Variants in GNB5 observed in about 807,000 individuals in gnomAD.
GNB5 encodes the protein G protein subunit beta 5.
GNB5 carries 37 observed loss-of-function variants against 55.3 expected under a neutral mutation model. The ratio of observed to expected loss-of-function variants is 0.67; its 90% CI spans 0.51 to 0.88. GNB5 has a LOEUF of 0.88. GNB5 is among the 40% of genes least tolerant of loss of function. The pLI is 0.00. For synonymous variants in GNB5, 219 were observed against 198.5 expected, an observed-to-expected ratio of 1.10 and a Z score of -0.87; for missense variants, 476 against 515.3, an observed-to-expected ratio of 0.92 and a Z score of 0.74.
chr15:52,149,618 T>C (rs764456327), intron 5 of GNB5: 7 of 591,872 alleles, frequency 1.2e-5, no homozygotes, highest in African/African-American at 3.7e-5. Context: ...AAGTTTTCCA[T>C]GCTTTGCCCA....
chr15:52,147,859 G>A (rs923137525), intron 5 of GNB5, among the ~76,000 whole-genome samples: 7 of 151,152 alleles, frequency 4.6e-5, no homozygotes, highest in African/African-American at 1.7e-4. Context: ...CTGGGATTAC[G>A]GGTGTGAGCC....
At chr15:52,167,575 G>A (rs1354060970) in intron 3 of GNB5, among the ~76,000 whole-genome samples, 7 of 152,014 alleles carry the variant, frequency 4.6e-5, no homozygotes, top group Non-Finnish European at 1.0e-4. Flanking sequence ...GGAGGCTGAG[G>A]CAGGAGAATC....
At chr15:52,132,636 A>AT (rs1216272462) in intron 9 of GNB5, among the ~76,000 whole-genome samples, 9,959 of 134,920 alleles carry the variant, frequency 0.074, 1,308 homozygotes, top group African/African-American at 0.27. Flanking sequence ...TGCCCTGCTA[A>AT]TTTTTTTTTT....
At chr15:52,154,107 T>C in intron 3 of GNB5, 31 bp from the exon 4 acceptor site, 2 of 1,607,168 alleles carry the variant, frequency 1.2e-6, no homozygotes, top group East Asian at 2.2e-5. Context: ...TCAGTCCCCT[T>C]GCTAAGGACC....
intron 3 of GNB5, among the ~76,000 whole-genome samples, chr15:52,166,476 A>G (rs1037777513): frequency 6.6e-6 from 1 of 152,200 alleles, no homozygotes; most frequent in Non-Finnish European, 1.5e-5. Flanking sequence ...AACTGAAATC[A>G]TAACAGTCTC....
intron 1 of GNB5, among the ~76,000 whole-genome samples, chr15:52,190,547 C>T (rs888142267): frequency 4.6e-5 from 7 of 152,036 alleles, no homozygotes; most frequent in African/African-American, 9.7e-5. Flanking sequence ...AGTAAAACTA[C>T]GATGTGATAC....
chr15:52,177,322 C>T (rs891618571), intron 3 of GNB5, among the ~76,000 whole-genome samples: 1 of 151,692 alleles, frequency 6.6e-6, no homozygotes, highest in Non-Finnish European at 1.5e-5. Flanking sequence ...CGTGAGCCAC[C>T]CTGTCGGTCC....
intron 3 of GNB5, among the ~76,000 whole-genome samples, chr15:52,175,017 G>C (rs2034624010): frequency 6.6e-6 from 1 of 152,076 alleles, no homozygotes; most frequent in African/African-American, 2.4e-5. Context: ...AGGTTGCAGC[G>C]AGCCGAGATC....
intron 3 of GNB5, among the ~76,000 whole-genome samples, chr15:52,163,336 A>G (rs2034377886): frequency 6.6e-6 from 1 of 152,164 alleles, no homozygotes; most frequent in South Asian, 2.1e-4. Flanking sequence ...AGATCCATCT[A>G]TTCCCCTAGG....
chr15:52,145,763 A>C (rs2033960497), intron 6 of GNB5, among the ~76,000 whole-genome samples: 1 of 152,128 alleles, frequency 6.6e-6, no homozygotes, highest in Non-Finnish European at 1.5e-5. Flanking sequence ...AAGGGAAGGG[A>C]CACTGGAGAA....
At chr15:52,169,567 AAGAAG>A (rs2034519558) in intron 3 of GNB5, among the ~76,000 whole-genome samples, 2 of 149,450 alleles carry the variant, frequency 1.3e-5, no homozygotes, top group Admixed American at 1.3e-4. Flanking sequence ...AAAAAAAGAA[AAGAAG>A]AGAAGAGAAA....
intron 2 of GNB5, 22 bp downstream of exon 2, chr15:52,184,529 A>T (rs376450331): frequency 6.2e-6 from 10 of 1,607,978 alleles, no homozygotes; most frequent in Non-Finnish European, 8.5e-6. Context: ...AGATAACTGA[A>T]TTTTTTTTAA....
intron 9 of GNB5, among the ~76,000 whole-genome samples, chr15:52,130,352 G>A (rs2033544744): frequency 6.6e-6 from 1 of 152,188 alleles, no homozygotes. Context: ...AAGGCACCCT[G>A]AACATGGCCC....
chr15:52,153,445 C>T (rs1250253140), intron 4 of GNB5, among the ~76,000 whole-genome samples: 3 of 152,114 alleles, frequency 2.0e-5, no homozygotes, highest in Non-Finnish European at 4.4e-5. Flanking sequence ...GATAATTAAG[C>T]TGCTAAATTT....
chr15:52,178,476 G>A (rs1427009133), intron 3 of GNB5, among the ~76,000 whole-genome samples: 1 of 152,174 alleles, frequency 6.6e-6, no homozygotes, highest in East Asian at 1.9e-4. Flanking sequence ...TAATCATGGG[G>A]CAAATGCCAC....
At chr15:52,145,406 G>A (rs1028464413) in intron 6 of GNB5, among the ~76,000 whole-genome samples, 10 of 151,884 alleles carry the variant, frequency 6.6e-5, no homozygotes, top group Admixed American at 1.3e-4. Context: ...TTGGGAGGCT[G>A]AGGCAGGCAG....
intron 3 of GNB5, among the ~76,000 whole-genome samples, chr15:52,154,310 T>C (rs1237632508): frequency 1.3e-5 from 2 of 152,224 alleles, no homozygotes; most frequent in Non-Finnish European, 2.9e-5. Context: ...TTTAAGACCC[T>C]ACATTTTTCA....
At chr15:52,148,999 G>C (rs1019576746) in intron 5 of GNB5, among the ~76,000 whole-genome samples, 1 of 152,260 alleles carries the variant, frequency 6.6e-6, no homozygotes, top group Non-Finnish European at 1.5e-5. Flanking sequence ...AAGGTGCTGA[G>C]AGAGATGAAG....
At chr15:52,124,264 G>C (rs2033360334) in intron 12 of GNB5, among the ~76,000 whole-genome samples, 1 of 152,224 alleles carries the variant, frequency 6.6e-6, no homozygotes, top group Admixed American at 6.5e-5. Flanking sequence ...TGTCGAATCT[G>C]TGCGAGAATA....
Sources: allele counts gnomAD v4.1 joint callset (sites outside exome capture counted in the v4.1 genomes callset), GRCh38; gene constraint gnomAD v4.1.1; transcripts MANE v1.5; gene names NCBI Gene and HGNC (gene_info 2026-07-23, HGNC 2026-07-21).